MACF1: variants seen among roughly 807,000 people sequenced by gnomAD.
The protein encoded by MACF1 is microtubule-actin cross-linking factor 1.
In MACF1, 193 loss-of-function variants were observed where a neutral mutation model predicts 854.8. The ratio of observed to expected loss-of-function variants is 0.23; its 90% confidence interval spans 0.20 to 0.25. The LOEUF (loss-of-function observed/expected upper bound fraction) is 0.25. Ranked by LOEUF, MACF1 falls within the 10% of genes least tolerant of loss-of-function variation. MACF1 has a pLI of 1.00. For missense variants in MACF1, 7,722 were observed against 8,929.1 expected (o/e 0.86, Z 5.45); for synonymous variants, 3,185 against 3,226.7 (o/e 0.99, Z 0.44).
intron 67 of MACF1, 109 bp from the exon 68 acceptor site, chr1:39,432,939 C>A: frequency 1.4e-6 from 1 of 693,618 alleles, no homozygotes; most frequent in Non-Finnish European, 2.3e-6. Flanking sequence ...AAGTGTCAAA[C>A]TGTATAAGAA....
intron 41 of MACF1, among the ~76,000 whole-genome samples, chr1:39,347,970 A>T (rs1647094402): frequency 6.6e-6 from 1 of 152,202 alleles, no homozygotes. Flanking sequence ...ACCCAGAATG[A>T]TGTTCATGCC....
At position 39,379,281 on chromosome 1, in the gene MACF1, A is replaced by C; in HGVS notation, c.13355A>C (p.Gln4452Pro). 4 of 1,613,656 alleles carry C rather than the reference A, an allele frequency of 2.5e-6. No homozygotes were observed. The highest frequency in any genetic ancestry group is 3.4e-6 in the Non-Finnish European group (4 of 1,179,846). The change falls in exon 54 of 101, where the codon CAG becomes CCG. Residue 4452 changes from glutamine to proline, a missense_variant. Gln to Pro is a moderately conservative substitution (Grantham distance 76, BLOSUM62 -1). Coordinates refer to ENST00000564288, the MANE Select transcript of MACF1 (RefSeq NM_001394062.1). ...EKLGGVLHER[Q>P]ESLQAILNRM... ...CTAGGGGGAGTACTTCATGAACGCCAGGAAAGCCTTCAGGCTATCCTCAAC... is the reference window on the plus strand; with the variant it reads ...CTAGGGGGAGTACTTCATGAACGCCCGGAAAGCCTTCAGGCTATCCTCAAC...
At chr1:39,153,482 A>T (rs1238586109) in intron 2 of MACF1, among the ~76,000 whole-genome samples, 3 of 152,200 alleles carry the variant, frequency 2.0e-5, no homozygotes, top group African/African-American at 4.8e-5. Flanking sequence ...ACCCACAGCC[A>T]AAAAGAAAAG....
chr1:39,477,245 G>A (rs1644926564), intron 97 of MACF1, among the ~76,000 whole-genome samples: 1 of 151,352 alleles, frequency 6.6e-6, no homozygotes. Flanking sequence ...TGGTTTTTGA[G>A]ACAGCGTCTT....
chr1:39,484,665 C>G lies in MACF1; in HGVS notation c.22346C>G (p.Ser7449Cys). The G allele has an allele frequency of 6.2e-7, 1 of 1,614,066 alleles. No homozygotes were observed. Among genetic ancestry groups the G allele is most frequent in the Non-Finnish European group, 8.5e-7 (1 of 1,179,934 alleles). The change falls in exon 100 of 101, where the codon TCC becomes TGC. Residue 7449 changes from serine to cysteine, a missense_variant. Transcript: ENST00000564288. ...CCAACTTTTCATTCTAGTCGGACATCCCTTGCTGGTGATACCAGCAATAGT... is the reference window on the plus strand; with the variant it reads ...CCAACTTTTCATTCTAGTCGGACATGCCTTGCTGGTGATACCAGCAATAGT... ...PTPTFHSSRT[S>C]LAGDTSNSSS...
chr1:39,160,855 C>A (rs991727298), intron 2 of MACF1, among the ~76,000 whole-genome samples: 6 of 152,208 alleles, frequency 3.9e-5, no homozygotes, highest in African/African-American at 7.2e-5. Flanking sequence ...TACTTCCCTT[C>A]TTCTTTTCAC....
At chr1:39,372,424 A>G (rs1649330449) in intron 51 of MACF1, 55 bp from the exon 52 acceptor site, 2 of 943,518 alleles carry the variant, frequency 2.1e-6, no homozygotes, top group Non-Finnish European at 3.5e-6. Flanking sequence ...AGATGTCCCT[A>G]CTTATGAGGA....
At chr1:39,291,814 C>T in intron 15 of MACF1, 96 bp from the exon 16 acceptor site, 1 of 1,319,930 alleles carries the variant, frequency 7.6e-7, no homozygotes. Flanking sequence ...TTGCTCAGTC[C>T]TCTACCCCTT....
intron 2 of MACF1, among the ~76,000 whole-genome samples, chr1:39,178,030 A>G (rs1571139721): frequency 6.6e-6 from 1 of 151,856 alleles, no homozygotes; most frequent in Admixed American, 6.6e-5. Context: ...CTGTCAGGGA[A>G]ATCTTTAGGC....
At chr1:39,413,213 C>T in intron 58 of MACF1, 1 of 1,613,458 alleles carries the variant, frequency 6.2e-7, no homozygotes, top group Non-Finnish European at 8.5e-7. Context: ...ACAGTGCATG[C>T]TCCAGAGGAG....
chr1:39,107,653 G>T (rs1411584455), intron 2 of MACF1, among the ~76,000 whole-genome samples: 1 of 152,174 alleles, frequency 6.6e-6, no homozygotes, highest in African/African-American at 2.4e-5. Context: ...ACCTTAATAG[G>T]AGAACAGTTT....
intron 95 of MACF1, among the ~76,000 whole-genome samples, chr1:39,467,321 C>T (rs1220886392): frequency 2.0e-5 from 3 of 151,926 alleles, no homozygotes; most frequent in South Asian, 2.1e-4. Context: ...GCCAAGATCG[C>T]GCCACTGCAC....
intron 35 of MACF1, among the ~76,000 whole-genome samples, chr1:39,326,054 G>A (rs1056786760): frequency 1.3e-5 from 2 of 152,104 alleles, no homozygotes; most frequent in African/African-American, 2.4e-5. Context: ...GTTAGCGAGT[G>A]GAGAGTGCAA....
At chr1:39,192,067 C>T (rs1007014760) in intron 2 of MACF1, among the ~76,000 whole-genome samples, 2 of 152,086 alleles carry the variant, frequency 1.3e-5, no homozygotes, top group African/African-American at 4.8e-5. Flanking sequence ...ACAAGAATTG[C>T]TTGAACCTGG....
intron 2 of MACF1, among the ~76,000 whole-genome samples, chr1:39,143,061 TTCTA>T (rs1430184786): frequency 6.6e-6 from 1 of 152,212 alleles, no homozygotes; most frequent in African/African-American, 2.4e-5. Context: ...GAGTCACTTT[TTCTA>T]TCTTACACAG....
chr1:39,387,648 G>C lies in MACF1; in HGVS notation c.14806G>C (p.Val4936Leu), dbSNP rs617863. Residue 4936 changes from valine to leucine, a missense_variant, in exon 58 of 101, where the codon GTG (valine) becomes CTG (leucine). By Grantham distance (32) the Val-to-Leu change is conservative. Coordinates refer to ENST00000564288, the MANE Select transcript of MACF1 (RefSeq NM_001394062.1). The stretch of plus-strand genomic sequence containing the variant: ...TGAGTTGCGAGTCACTCTGGATCCA[G>C]TGCAGCTAGAGTCCAGTCTCCTAAG... ...MSELRVTLDP[V>L]QLESSLLRSK... 1 of 1,614,210 alleles carries C rather than the reference G, an allele frequency of 6.2e-7. No homozygotes were observed. Among genetic ancestry groups the C allele is most frequent in the Non-Finnish European group, 8.5e-7 (1 of 1,180,028 alleles).
intron 61 of MACF1, among the ~76,000 whole-genome samples, chr1:39,427,147 A>G (rs892170940): frequency 5.3e-5 from 8 of 152,186 alleles, no homozygotes; most frequent in Non-Finnish European, 1.2e-4. Flanking sequence ...GTTGCTACTC[A>G]CCAGGTGATT....
chr1:39,244,698 C>A (rs984291955), intron 2 of MACF1, among the ~76,000 whole-genome samples: 8 of 152,030 alleles, frequency 5.3e-5, no homozygotes, highest in African/African-American at 1.5e-4. Context: ...CCTGCCTCAT[C>A]CTCCCCAGTA....
chr1:39,181,579 G>T (rs1236489859), intron 2 of MACF1, among the ~76,000 whole-genome samples: 1 of 151,972 alleles, frequency 6.6e-6, no homozygotes, highest in Non-Finnish European at 1.5e-5. Context: ...ATGTGAAAAT[G>T]CAAGGGACCC....
Sources: allele counts gnomAD v4.1 joint callset (sites outside exome capture counted in the v4.1 genomes callset), GRCh38; gene constraint gnomAD v4.1.1; transcripts MANE v1.5; gene names NCBI Gene and HGNC (gene_info 2026-07-23, HGNC 2026-07-21).